ZHX2: variants seen among roughly 807,000 people sequenced by gnomAD.
ZHX2 encodes the protein zinc fingers and homeoboxes 2.
A neutral mutation model predicts 21.9 loss-of-function variants in ZHX2; 6 were observed. That is an observed-to-expected ratio of 0.27 (90% CI 0.15 to 0.54). ZHX2 has a LOEUF of 0.54. ZHX2 is among the 20% of genes least tolerant of loss of function. The pLI, the probability that ZHX2 is intolerant of heterozygous loss-of-function variation, is 0.95. For missense variants in ZHX2, 908 were observed against 1,090.7 expected (o/e 0.83, Z 2.36); for synonymous variants, 434 against 437.1 (o/e 0.99, Z 0.09).
intron 2 of ZHX2, among the ~76,000 whole-genome samples, chr8:122,893,581 C>A (rs1042570257): frequency 3.3e-5 from 5 of 151,732 alleles, no homozygotes; most frequent in Admixed American, 6.6e-5. Flanking sequence ...TTTAGAAATT[C>A]TTTTTTCTAC....
At chr8:122,841,964 T>G (rs1818640197) in intron 1 of ZHX2, among the ~76,000 whole-genome samples, 1 of 152,106 alleles carries the variant, frequency 6.6e-6, no homozygotes, top group South Asian at 2.1e-4. Flanking sequence ...CTCTCTCCCT[T>G]ATGGTCAGCT....
chr8:122,948,065 C>G (rs1813021835), intron 2 of ZHX2, among the ~76,000 whole-genome samples: 1 of 152,218 alleles, frequency 6.6e-6, no homozygotes, highest in Non-Finnish European at 1.5e-5. Context: ...GTGCTTTCAT[C>G]TTCGAGGGGC....
intron 3 of ZHX2, among the ~76,000 whole-genome samples, chr8:122,960,832 C>T (rs1813424224): frequency 6.6e-6 from 1 of 152,148 alleles, no homozygotes; most frequent in Admixed American, 6.5e-5. Context: ...TGACATGGTT[C>T]ATTGTCCATA....
rs904665164 is a variant in ZHX2 at position 122,868,658 on chromosome 8, G to A, written c.-220+5119G>A. 2.7e-5 allele frequency among the ~76,000 whole-genome samples: 4 copies of A among 146,316 alleles called. No individual in the cohort carries two copies. The South Asian group carries it at 8.7e-4, about 32-fold the overall frequency. ...GGAGCTTACAGTGAGCCGAGATCGC[G>A]CCACTGCACTCCAGCCTGGGTGGCA... is the stretch of plus-strand genomic sequence containing the variant. On this transcript the variant is annotated intron_variant, in intron 2 of 3. Transcript: ENST00000314393.
chr8:122,893,152 T>C (rs1820021946), intron 2 of ZHX2, among the ~76,000 whole-genome samples: 1 of 152,248 alleles, frequency 6.6e-6, no homozygotes, highest in African/African-American at 2.4e-5. Flanking sequence ...TTTGATTACA[T>C]AATCTCATTC....
chr8:122,870,093 C>T (rs753960929), intron 2 of ZHX2, among the ~76,000 whole-genome samples: 1 of 152,082 alleles, frequency 6.6e-6, no homozygotes, highest in Middle Eastern at 3.2e-3. Flanking sequence ...GAGGGGAAAC[C>T]TGGGCAGAGG....
intron 1 of ZHX2, among the ~76,000 whole-genome samples, chr8:122,832,481 C>T (rs1374494494): frequency 6.6e-6 from 1 of 152,054 alleles, no homozygotes; most frequent in African/African-American, 2.4e-5. Flanking sequence ...AACTCCACGC[C>T]GTTCGTCGGT....
At chr8:122,972,534 T>C (rs1377975739) in intron 3 of ZHX2, among the ~76,000 whole-genome samples, 1 of 152,292 alleles carries the variant, frequency 6.6e-6, no homozygotes, top group South Asian at 2.1e-4. Flanking sequence ...AAAATAAGAA[T>C]AATAATAATA....
intron 2 of ZHX2, among the ~76,000 whole-genome samples, chr8:122,907,649 C>T (rs569303101): frequency 3.9e-5 from 6 of 152,348 alleles, no homozygotes; most frequent in African/African-American, 1.4e-4. Context: ...AGTGCCCAAT[C>T]AGCATGAAGT....
intron 2 of ZHX2, among the ~76,000 whole-genome samples, chr8:122,891,701 A>C (rs963915238): frequency 2.6e-5 from 4 of 152,160 alleles, no homozygotes; most frequent in African/African-American, 9.7e-5. Flanking sequence ...ATTTAGGAAC[A>C]TGTAGTTTAA....
At chr8:122,943,877 A>C (rs1341305124) in intron 2 of ZHX2, among the ~76,000 whole-genome samples, 1 of 152,100 alleles carries the variant, frequency 6.6e-6, no homozygotes, top group African/African-American at 2.4e-5. Context: ...CCTTGCCTGC[A>C]GACCAAAATC....
chr8:122,896,800 T>C (rs772466686), intron 2 of ZHX2, among the ~76,000 whole-genome samples: 1 of 152,224 alleles, frequency 6.6e-6, no homozygotes, highest in Non-Finnish European at 1.5e-5. Flanking sequence ...GCTTTGTAAA[T>C]GTCTGAAGCT....
In ZHX2 at chr8:122,953,294, T is replaced by G; in HGVS notation, c.1784T>G (p.Met595Arg). The stretch of plus-strand genomic sequence containing the variant: ...ATGGAACAAGCTGTCTTGGATTCCA[T>G]GGGGTCTGGCAAAAAAGGCCAAGAT... ...DSMEQAVLDS[M>R]GSGKKGQDVG... Residue 595 changes from methionine to arginine, a missense_variant, in exon 3 of 4, where the codon ATG (methionine) becomes AGG (arginine). This residue lies in a region of ZHX2 where 431 missense variants were observed against 428.6 expected (regional missense o/e 1.01). Coordinates refer to ENST00000314393, the MANE Select transcript of ZHX2 (RefSeq NM_014943.5). The surrounding 1 kb of genome is among the most constrained non-coding windows in gnomAD (Gnocchi z 4.6). 6.2e-7 allele frequency: 1 copy of G among 1,614,052 alleles called. No homozygotes were observed.
chr8:122,907,795 A>C lies in ZHX2; in HGVS notation c.-219-43497A>C, dbSNP rs150966358. On this transcript the variant is annotated intron_variant, in intron 2 of 3. Coordinates refer to ENST00000314393, the MANE Select transcript of ZHX2 (RefSeq NM_014943.5). ...GATTAAATGAGATCAAAGATGCACC[A>C]AGTACCTGGATCTCTCAGAAGTGGT... Among the ~76,000 whole-genome samples, 6 of 152,298 alleles carry C rather than the reference A, an allele frequency of 3.9e-5. No homozygotes were observed. In the East Asian group the frequency reaches 1.2e-3, roughly 29 times the overall value.
chr8:122,804,776 G>A (rs1817791501), intron 1 of ZHX2, among the ~76,000 whole-genome samples: 1 of 152,098 alleles, frequency 6.6e-6, no homozygotes, highest in Non-Finnish European at 1.5e-5. Context: ...TAACTCCCTT[G>A]GGGTTACCTG....
intron 2 of ZHX2, among the ~76,000 whole-genome samples, chr8:122,920,133 G>T (rs946697220): frequency 2.0e-5 from 3 of 152,134 alleles, no homozygotes; most frequent in Non-Finnish European, 4.4e-5. Context: ...AATTAGCCAG[G>T]TGTGGTAGTA....
chr8:122,932,342 A>C (rs1821014244), intron 2 of ZHX2, among the ~76,000 whole-genome samples: 1 of 152,174 alleles, frequency 6.6e-6, no homozygotes, highest in Admixed American at 6.5e-5. Context: ...CAGATGTCAA[A>C]AATCAGATGC....
At chr8:122,963,269 T>C (rs1194146725) in intron 3 of ZHX2, among the ~76,000 whole-genome samples, 1 of 152,236 alleles carries the variant, frequency 6.6e-6, no homozygotes, top group Non-Finnish European at 1.5e-5. Flanking sequence ...TAGATTTAAG[T>C]CTTTTATTCA....
intron 2 of ZHX2, among the ~76,000 whole-genome samples, chr8:122,923,568 C>T (rs1177164279): frequency 1.3e-5 from 2 of 152,152 alleles, no homozygotes; most frequent in Admixed American, 1.3e-4. Flanking sequence ...GACCCCATCT[C>T]TCAATGAAAA....
Sources: allele counts gnomAD v4.1 joint callset (sites outside exome capture counted in the v4.1 genomes callset), GRCh38; gene constraint gnomAD v4.1.1; regional missense constraint gnomAD v4.1.1; non-coding constraint Gnocchi (gnomAD v3.1); transcripts MANE v1.5; gene names NCBI Gene and HGNC (gene_info 2026-07-23, HGNC 2026-07-21).